ABCC4: variants seen among roughly 807,000 people sequenced by gnomAD.
ABCC4 encodes ATP binding cassette subfamily C member 4 (PEL blood group), also known as ATP-binding cassette sub-family C member 4.
A neutral mutation model predicts 168.5 loss-of-function variants in ABCC4; 102 were observed. The observed-to-expected ratio is 0.61, with a 90% CI of 0.52 to 0.71. The LOEUF is 0.71. Ranked by LOEUF, ABCC4 falls within the 30% of genes least tolerant of loss-of-function variation. The pLI is 0.00. For synonymous variants in ABCC4, 617 were observed against 590.7 expected (o/e 1.04, Z -0.65); for missense variants, 1,402 against 1,605.8 (o/e 0.87, Z 2.17).
chr13:95,206,888 A>C (rs371399800), intron 7 of ABCC4, 107 bp from the exon 8 acceptor site: 2 of 1,356,672 alleles, frequency 1.5e-6, no homozygotes, highest in African/African-American at 1.5e-5. Flanking sequence ...AATTGTTTGA[A>C]CCCAGGAGTT....
At chr13:95,296,754 G>C (rs1365305647) in intron 1 of ABCC4, among the ~76,000 whole-genome samples, 3 of 152,174 alleles carry the variant, frequency 2.0e-5, no homozygotes, top group Non-Finnish European at 4.4e-5. Flanking sequence ...GGGGGCAGCA[G>C]GACAATTCCT....
intron 19 of ABCC4, among the ~76,000 whole-genome samples, chr13:95,159,132 T>TAA (rs1555323111): frequency 8.0e-6 from 1 of 124,392 alleles, no homozygotes; most frequent in African/African-American, 3.3e-5. Context: ...TATATATATA[T>TAA]AACTATTGAA....
chr13:95,051,332 C>T (rs937381263), intron 27 of ABCC4, among the ~76,000 whole-genome samples: 3 of 152,102 alleles, frequency 2.0e-5, no homozygotes, highest in African/African-American at 7.3e-5. Context: ...TCAGAGCTAT[C>T]CCTGGAAGGG....
Position 95,215,689 on chromosome 13 carries a change from C to T in ABCC4, c.532-4908G>A, listed in dbSNP as rs533293925. The stretch of plus-strand genomic sequence containing the variant: ...ATTAAATTACAGATCAACAATAAGA[C>T]ATCTCTAACAACTCAAAATATCTGA... On this transcript the variant is annotated intron_variant, in intron 4 of 30. Coordinates refer to ENST00000645237, the MANE Select transcript of ABCC4 (RefSeq NM_005845.5). 1.2e-4 allele frequency among the ~76,000 whole-genome samples: 19 copies of T among 152,264 alleles called. 1 individual carries two copies. The highest frequency in any genetic ancestry group is 4.1e-4 in the African/African-American group (17 of 41,564).
chr13:95,094,353 T>C (rs1308858511), intron 20 of ABCC4, among the ~76,000 whole-genome samples: 3 of 151,758 alleles, frequency 2.0e-5, no homozygotes, highest in Non-Finnish European at 4.4e-5. Context: ...TGGAACAGAA[T>C]AGAGAACCCA....
chr13:95,150,894 A>G (rs1379078760), intron 19 of ABCC4, among the ~76,000 whole-genome samples: 1 of 152,226 alleles, frequency 6.6e-6, no homozygotes, highest in Non-Finnish European at 1.5e-5. Context: ...TGAAGCTTAG[A>G]GATTATGATC....
At chr13:95,116,132 G>T (rs989435230) in intron 19 of ABCC4, 131 bp from the exon 20 acceptor site, 1 of 571,178 alleles carries the variant, frequency 1.8e-6, no homozygotes, top group South Asian at 4.0e-5. Context: ...GAAATAAGCC[G>T]ATGTCAGTGG....
intron 19 of ABCC4, among the ~76,000 whole-genome samples, chr13:95,126,652 C>T (rs747430919): frequency 8.4e-5 from 12 of 142,018 alleles, no homozygotes; most frequent in African/African-American, 1.9e-4. Flanking sequence ...ATCTGGGAAC[C>T]GCCAACAGGT....
chr13:95,261,896 G>A (rs537234471), intron 1 of ABCC4, among the ~76,000 whole-genome samples: 67 of 151,032 alleles, frequency 4.4e-4, no homozygotes, highest in South Asian at 4.4e-3. Flanking sequence ...CCAAATGTTC[G>A]AGACCAGCCT....
intron 19 of ABCC4, among the ~76,000 whole-genome samples, chr13:95,138,267 T>C (rs2036202610): frequency 2.0e-5 from 3 of 152,208 alleles, no homozygotes; most frequent in South Asian, 2.1e-4. Flanking sequence ...TAATTTGCCC[T>C]GGAGTTCCAA....
intron 8 of ABCC4, among the ~76,000 whole-genome samples, chr13:95,203,246 T>C (rs4773844): frequency 0.77 from 117,024 of 151,972 alleles, 45,257 homozygotes; most frequent in Admixed American, 0.81. Flanking sequence ...GACAGACTAA[T>C]TTTATTAACC....
At chr13:95,080,900 G>A (rs74105417) in intron 21 of ABCC4, among the ~76,000 whole-genome samples, 9,882 of 152,190 alleles carry the variant, frequency 0.065, 1,051 homozygotes, top group African/African-American at 0.22. Flanking sequence ...TGCCACGGCA[G>A]TCAGGCATCC....
At chr13:95,261,367 T>G (rs1362624526) in intron 1 of ABCC4, among the ~76,000 whole-genome samples, 1 of 152,072 alleles carries the variant, frequency 6.6e-6, no homozygotes, top group Non-Finnish European at 1.5e-5. Flanking sequence ...AAGAATCACT[T>G]GAACCCAAGA....
chr13:95,247,801 T>C, intron 1 of ABCC4, 48 bp from the exon 2 acceptor site: 1 of 1,489,276 alleles, frequency 6.7e-7, no homozygotes, highest in Non-Finnish European at 9.4e-7. Context: ...CACATCCGTG[T>C]TTAAGTAGAC....
intron 20 of ABCC4, among the ~76,000 whole-genome samples, chr13:95,097,616 T>C (rs796635561): frequency 1.6e-4 from 19 of 120,030 alleles, no homozygotes; most frequent in African/African-American, 4.2e-4. Context: ...TTTTTTTTTT[T>C]CAAATGCACA....
intron 21 of ABCC4, among the ~76,000 whole-genome samples, chr13:95,080,844 T>C (rs1033590444): frequency 5.3e-5 from 8 of 152,060 alleles, no homozygotes; most frequent in African/African-American, 1.9e-4. Context: ...AACAGAGGCT[T>C]TGGAAATCCT....
rs1286808210 is a variant in ABCC4 at position 95,170,624 on chromosome 13, T to C, written c.1732A>G (p.Ile578Val). The C allele has an allele frequency of 2.2e-5, 35 of 1,604,578 alleles. No individual in the cohort carries two copies. Among genetic ancestry groups the C allele is most frequent in the African/African-American group, 2.7e-5 (2 of 74,742 alleles). Residue 578 changes from isoleucine (I) to valine (V), a missense_variant, in exon 14 of 31, where the codon ATT (isoleucine) becomes GTT (valine). Physicochemically the swap from Ile to Val is conservative, Grantham distance 29. Around this residue, in one of 3 missense-constraint regions of ABCC4, gnomAD observed 1,007 missense variants for 1,127.3 expected, o/e 0.89. Coordinates refer to ENST00000645237, the MANE Select transcript of ABCC4 (RefSeq NM_005845.5). ...ATCTTCTCATGCAAAATTTGACAAA[T>C]ACACCTATAAATGTAAAAGGCACAG... Reference protein sequence around the residue: ...EVSRHLFELCICQILHEKITI... With the variant: ...EVSRHLFELCVCQILHEKITI...
chr13:95,206,669 G>A lies in ABCC4; in HGVS notation c.1024C>T (p.Leu342Phe), dbSNP rs2038791150. ...VFVTFTTYVL[L>F]GSVITASRVF... is the part of the protein sequence containing the mutation. ...CGGCTGGCTGTGATCACACTGCCGA[G>A]GAGCACGTAGGTGGTGAAGGTCACA... Residue 342 changes from leucine to phenylalanine, a missense_variant, in exon 8 of 31, where the codon CTC becomes TTC. Physicochemically the swap from Leu to Phe is conservative, Grantham distance 22. This residue lies in a region of ABCC4 where 78 missense variants were observed against 133.0 expected (regional missense o/e 0.59). Transcript: ENST00000645237. 1.2e-6 allele frequency: 2 copies of A among 1,614,046 alleles called. No individual in the cohort carries two copies. Among genetic ancestry groups the A allele is most frequent in the Admixed American group, 3.3e-5 (2 of 60,010 alleles).
At chr13:95,047,795 TA>T (rs1594005167) in intron 27 of ABCC4, among the ~76,000 whole-genome samples, 3 of 152,332 alleles carry the variant, frequency 2.0e-5, no homozygotes, top group Admixed American at 6.5e-5. Context: ...CTATTTTTAA[TA>T]ATGCAGTCAG....
Sources: gnomAD v4.1 joint callset for allele counts (sites outside exome capture counted in the v4.1 genomes callset) on GRCh38, gnomAD v4.1.1 for gene constraint, gnomAD v4.1.1 regional missense constraint, MANE v1.5 for transcripts, NCBI Gene and HGNC (gene_info 2026-07-23, HGNC 2026-07-21) for gene names.